HPS5: variants seen among roughly 807,000 people sequenced by gnomAD.
HPS5 encodes the protein BLOC-2 complex member HPS5.
HPS5 carries 83 observed loss-of-function variants against 128.0 expected under a neutral mutation model. That is an observed-to-expected ratio of 0.65 (90% CI 0.54 to 0.78). The LOEUF (loss-of-function observed/expected upper bound fraction) is 0.78. HPS5 is among the 30% of genes least tolerant of loss of function. The pLI is 0.00. For missense variants in HPS5, 1,281 were observed against 1,326.2 expected (o/e 0.97, Z 0.53); for synonymous variants, 475 against 470.2 (o/e 1.01, Z -0.13).
intron 2 of HPS5, among the ~76,000 whole-genome samples, chr11:18,314,678 G>A (rs879914327): frequency 2.0e-5 from 3 of 151,708 alleles, no homozygotes; most frequent in Non-Finnish European, 4.4e-5. Flanking sequence ...TATTATTTTC[G>A]CCTTTGTCTG....
intron 2 of HPS5, among the ~76,000 whole-genome samples, chr11:18,316,381 C>T (rs1863630491): frequency 6.6e-6 from 1 of 152,106 alleles, no homozygotes; most frequent in African/African-American, 2.4e-5. Flanking sequence ...TGATTTTTAG[C>T]AAACCTTCAG....
Position 18,293,860 on chromosome 11 carries a change from G to T in HPS5, c.1785-884C>A, listed in dbSNP as rs1031198714. On this transcript the variant is annotated intron_variant, in intron 14 of 22. Coordinates refer to ENST00000349215, the MANE Select transcript of HPS5 (RefSeq NM_181507.2). ...GGAGTGAAATTTATAGCACTTAGAA[G>T]GATGTGGCTAGAAAGGTAGCTAAGG... Among the ~76,000 whole-genome samples, 5 of 152,168 alleles carry T rather than the reference G, an allele frequency of 3.3e-5. 1 individual carries two copies. The highest frequency in any genetic ancestry group is 3.3e-4 in the Admixed American group (5 of 15,278).
chr11:18,305,538 A>G (rs1240488956), intron 7 of HPS5, 45 bp from the exon 8 acceptor site: 2 of 1,411,942 alleles, frequency 1.4e-6, no homozygotes, highest in East Asian at 2.3e-5. Flanking sequence ...TGTTAAAAGT[A>G]TAACATAAAA....
At chr11:18,285,782 T>C (rs1859633207) in intron 19 of HPS5, among the ~76,000 whole-genome samples, 2 of 152,070 alleles carry the variant, frequency 1.3e-5, no homozygotes, top group Admixed American at 1.3e-4. Flanking sequence ...CATTTGGGGG[T>C]CTTTTAAGAA....
At chr11:18,308,007 A>G (rs1862563026) in intron 6 of HPS5, among the ~76,000 whole-genome samples, 1 of 152,112 alleles carries the variant, frequency 6.6e-6, no homozygotes, top group African/African-American at 2.4e-5. Flanking sequence ...TCCATGATAA[A>G]TTTTTAAAAG....
In HPS5 at chr11:18,292,134, T is replaced by C. The variant is rs1860482635; in HGVS notation, c.1863-115A>G. ...TAACATACTCATCTGGAATAAACGTTACTTTTCAACTCTTTAAATAAAAAC... is the reference window on the plus strand; with the variant it reads ...TAACATACTCATCTGGAATAAACGTCACTTTTCAACTCTTTAAATAAAAAC... On this transcript the variant is annotated intron_variant, in intron 15 of 22. Coordinates refer to ENST00000349215, the MANE Select transcript of HPS5 (RefSeq NM_181507.2). The C allele has an allele frequency of 5.2e-6, 4 of 765,572 alleles. No individual in the cohort carries two copies. In the Admixed American group the frequency reaches 7.0e-5, roughly 13 times the overall value. The allele number at this position is 765,572 out of a possible 1,614,324, so 47.4% of individuals were successfully genotyped here.
intron 13 of HPS5, 128 bp from the exon 14 acceptor site, chr11:18,295,297 A>G: frequency 1.3e-6 from 1 of 745,072 alleles, no homozygotes; most frequent in Non-Finnish European, 2.3e-6. Flanking sequence ...AAGACTGTTT[A>G]TAGCAACTTC....
chr11:18,302,178 T>A (rs1861781844), intron 8 of HPS5, among the ~76,000 whole-genome samples: 1 of 152,152 alleles, frequency 6.6e-6, no homozygotes, highest in Admixed American at 6.6e-5. Context: ...TTCTCTCCAG[T>A]CCTCTGGTCT....
intron 21 of HPS5, among the ~76,000 whole-genome samples, chr11:18,282,783 C>G (rs1239142946): frequency 6.6e-6 from 1 of 152,090 alleles, no homozygotes; most frequent in Non-Finnish European, 1.5e-5. Flanking sequence ...GAGAGAATGG[C>G]TGATTCTGCC....
chr11:18,311,508 A>ATTTTTTTTTTT (rs778669578), intron 3 of HPS5, 57 bp from the exon 4 acceptor site: 5 of 780,144 alleles, frequency 6.4e-6, no homozygotes, highest in African/African-American at 2.2e-5. Context: ...TATTATTATT[A>ATTTTTTTTTTT]TTATTTTTTT....
chr11:18,286,033 G>A (rs1859668318), intron 19 of HPS5, among the ~76,000 whole-genome samples: 1 of 152,238 alleles, frequency 6.6e-6, no homozygotes, highest in Non-Finnish European at 1.5e-5. Context: ...GCGGTCAGCT[G>A]TGCAAAGTTT....
At chr11:18,299,383 ATC>A (rs777740771) in intron 9 of HPS5, among the ~76,000 whole-genome samples, 1 of 152,256 alleles carries the variant, frequency 6.6e-6, no homozygotes, top group Non-Finnish European at 1.5e-5. Flanking sequence ...TCAAGAAAAT[ATC>A]TGTCTTGGCA....
intron 18 of HPS5, among the ~76,000 whole-genome samples, chr11:18,287,069 G>C (rs1021386969): frequency 1.3e-5 from 2 of 152,074 alleles, no homozygotes; most frequent in African/African-American, 4.8e-5. Flanking sequence ...CAACATTGTG[G>C]CAAATGTGAA....
chr11:18,286,679 C>A lies in HPS5; in HGVS notation c.2749G>T (p.Glu917Ter). ...SSFLESLLQPESLRLDWLLLA... is the reference protein window; with the variant it reads ...SSFLESLLQP The stretch of plus-strand genomic sequence containing the variant: ...AGCAGCCAATCCAACCTTAAAGACT[C>A]TGGTTGCAGAAGGGACTCAAGAAAA... Residue 917 changes from glutamate (E) to a stop codon, truncating the protein, a stop_gained, in exon 19 of 23, where the codon GAG becomes TAG. Transcript: ENST00000349215. LOFTEE classifies it high-confidence loss of function. 1 of 1,614,036 alleles carries A rather than the reference C, an allele frequency of 6.2e-7. No individual in the cohort carries two copies. The highest frequency in any genetic ancestry group is 8.5e-7 in the Non-Finnish European group (1 of 1,179,966).
chr11:18,286,899 G>C (rs377006566), intron 18 of HPS5, 189 bp from the exon 19 acceptor site: 2 of 634,404 alleles, frequency 3.2e-6, no homozygotes, highest in African/African-American at 3.9e-5. Context: ...AAATGTCAAA[G>C]GGCCAAAAAA....
intron 1 of HPS5, 108 bp from the exon 2 acceptor site, chr11:18,318,015 C>A (rs978609945): frequency 1.4e-4 from 107 of 771,412 alleles, no homozygotes; most frequent in Non-Finnish European, 2.1e-4. Context: ...CCCCACTATA[C>A]AGGGACTTAG....
intron 2 of HPS5, among the ~76,000 whole-genome samples, chr11:18,315,544 T>C (rs1236938738): frequency 6.6e-6 from 1 of 151,158 alleles, no homozygotes; most frequent in African/African-American, 2.4e-5. Context: ...ACCCAGGAAG[T>C]GGAGGTTGCA....
intron 18 of HPS5, 123 bp from the exon 19 acceptor site, chr11:18,286,833 TC>T: frequency 7.9e-7 from 1 of 1,262,912 alleles, no homozygotes; most frequent in Non-Finnish European, 1.1e-6. Context: ...ACTTGAAAAC[TC>T]TTCTGCTACA....
At position 18,306,204 on chromosome 11, in the gene HPS5, C is replaced by T. The variant is rs755846129; in HGVS notation, c.755G>A (p.Gly252Glu). 76 of 1,613,918 alleles carry T rather than the reference C, an allele frequency of 4.7e-5. No homozygotes were observed. The highest frequency in any genetic ancestry group is 6.4e-5 in the Non-Finnish European group (76 of 1,179,956). The change falls in exon 7 of 23, where the codon GGA becomes GAA. Residue 252 changes from glycine (G) to glutamate (E), a missense_variant. Physicochemically the swap from Gly to Glu is moderately conservative, Grantham distance 98. Coordinates refer to ENST00000349215, the MANE Select transcript of HPS5 (RefSeq NM_181507.2). ...GAACTGATGTGTACTTATAACTTCT[C>T]CATCAAAGTTCACTTCCCACATCCT... is the stretch of plus-strand genomic sequence containing the variant. ...GSRMWEVNFD[G>E]EVISTHQFKK...
Sources: allele counts gnomAD v4.1 joint callset (sites outside exome capture counted in the v4.1 genomes callset), GRCh38; gene constraint gnomAD v4.1.1; transcripts MANE v1.5; gene names NCBI Gene and HGNC (gene_info 2026-07-23, HGNC 2026-07-21).